The following SYT2 variants were observed in gnomAD, a reference collection of about 807,000 sequenced individuals.
SYT2 encodes the protein synaptotagmin-2.
A neutral mutation model predicts 39.9 loss-of-function variants in SYT2; 15 were observed. The observed-to-expected ratio is 0.38, with a 90% CI of 0.25 to 0.58. The LOEUF (loss-of-function observed/expected upper bound fraction) is 0.58. SYT2 is among the 20% of genes least tolerant of loss of function. The pLI, the probability that SYT2 is intolerant of heterozygous loss-of-function variation, is 0.70. For missense variants in SYT2, 389 were observed against 530.3 expected (o/e 0.73, Z 2.62); for synonymous variants, 181 against 204.5 (o/e 0.89, Z 0.98).
At chr1:202,625,905 C>A (rs532143558) in intron 1 of SYT2, among the ~76,000 whole-genome samples, 1 of 152,178 alleles carries the variant, frequency 6.6e-6, no homozygotes, top group Non-Finnish European at 1.5e-5. Context: ...GCAGCCAGTG[C>A]AAGAACATAG....
chr1:202,702,459 A>G (rs929665773), intron 1 of SYT2, among the ~76,000 whole-genome samples: 2 of 152,134 alleles, frequency 1.3e-5, no homozygotes, highest in African/African-American at 4.8e-5. Flanking sequence ...CCCACAGCCA[A>G]TTAACTCCAT....
rs560534349 is a variant in SYT2, at chr1:202,605,870, A to C, written c.-17-81T>G. ...AGAAAGCCCTGCCCAAAGGACCAGG[A>C]GAAGCTCTTTATAGATCAAAGATAT... On this transcript the variant is annotated intron_variant, in intron 1 of 8. Coordinates refer to ENST00000367268, the MANE Select transcript of SYT2 (RefSeq NM_177402.5). 2.9e-4 allele frequency: 284 copies of C among 980,810 alleles called. 2 individuals carry two copies. The Middle Eastern group carries it at 4.9e-3, about 17-fold the overall frequency. 60.8% of individuals were successfully genotyped at this position (980,810 alleles called of 1,614,324 possible). A position where few individuals can be genotyped will look rare whatever the true frequency, so the allele number is the denominator to read the frequency against.
At chr1:202,606,082 G>T (rs553041888) in intron 1 of SYT2, among the ~76,000 whole-genome samples, 76 of 152,024 alleles carry the variant, frequency 5.0e-4, no homozygotes, top group African/African-American at 1.7e-3. Context: ...TGAGCTATGG[G>T]TGATTAAGTA....
chr1:202,615,028 G>A (rs1478884846), intron 1 of SYT2, among the ~76,000 whole-genome samples: 1 of 152,192 alleles, frequency 6.6e-6, no homozygotes, highest in Admixed American at 6.5e-5. Flanking sequence ...CTAGGGTGGA[G>A]CATAACTCCA....
intron 8 of SYT2, among the ~76,000 whole-genome samples, chr1:202,597,364 G>A (rs568554763): frequency 2.2e-4 from 33 of 152,308 alleles, no homozygotes; most frequent in African/African-American, 7.2e-4. Context: ...GGAGGTGACA[G>A]TCCTGGGGCC....
At chr1:202,612,683 G>C (rs1231272146) in intron 1 of SYT2, among the ~76,000 whole-genome samples, 2 of 152,056 alleles carry the variant, frequency 1.3e-5, no homozygotes, top group African/African-American at 4.8e-5. Flanking sequence ...TCTTTAATCA[G>C]GATTGTTTTG....
At chr1:202,602,091 A>G (rs1690524197) in intron 5 of SYT2, 34 bp from the exon 6 acceptor site, 1 of 1,611,156 alleles carries the variant, frequency 6.2e-7, no homozygotes, top group South Asian at 1.1e-5. Flanking sequence ...AGGGGGCCAG[A>G]GCGACTCACG....
chr1:202,625,565 C>T (rs1691377046), intron 1 of SYT2, among the ~76,000 whole-genome samples: 1 of 151,936 alleles, frequency 6.6e-6, no homozygotes, highest in South Asian at 2.1e-4. Flanking sequence ...CCCCAGCCCA[C>T]TTCTTCCCTG....
At chr1:202,678,258 A>G (rs1383309927) in intron 1 of SYT2, among the ~76,000 whole-genome samples, 2 of 128,916 alleles carry the variant, frequency 1.6e-5, no homozygotes, top group African/African-American at 5.8e-5. Context: ...TGAGTGACAG[A>G]GCGAGACTCT....
At chr1:202,709,867 T>A (rs889149007) in intron 1 of SYT2, among the ~76,000 whole-genome samples, 1 of 151,998 alleles carries the variant, frequency 6.6e-6, no homozygotes, top group East Asian at 1.9e-4. Context: ...CCGCTAGGGC[T>A]GGCGGGGGCT....
intron 1 of SYT2, among the ~76,000 whole-genome samples, chr1:202,663,630 T>C (rs988492266): frequency 6.6e-6 from 1 of 152,240 alleles, no homozygotes; most frequent in African/African-American, 2.4e-5. Context: ...CCAATTTCAA[T>C]ATATAAGAAT....
At chr1:202,634,566 G>A (rs1430227057) in intron 1 of SYT2, among the ~76,000 whole-genome samples, 4 of 151,826 alleles carry the variant, frequency 2.6e-5, no homozygotes, top group Admixed American at 6.6e-5. Context: ...ATATCCTTAC[G>A]AAAACCCTTC....
At chr1:202,622,962 A>G (rs1024595879) in intron 1 of SYT2, among the ~76,000 whole-genome samples, 1 of 152,056 alleles carries the variant, frequency 6.6e-6, no homozygotes, top group Admixed American at 6.5e-5. Flanking sequence ...TCACACAAAC[A>G]ACACCGCTAA....
intron 1 of SYT2, among the ~76,000 whole-genome samples, chr1:202,675,617 C>T (rs980986365): frequency 3.3e-5 from 5 of 152,040 alleles, no homozygotes; most frequent in Non-Finnish European, 7.4e-5. Flanking sequence ...CACTAGAGGT[C>T]CTGGACACCG....
intron 5 of SYT2, 53 bp from the exon 6 acceptor site, chr1:202,602,110 G>A: frequency 1.3e-6 from 2 of 1,598,226 alleles, no homozygotes; most frequent in Non-Finnish European, 8.5e-7. Context: ...CGCACCTCCA[G>A]GGGTGCTATG....
chr1:202,645,051 AGGGTGTGTGCGTGTGTTCATGTGT>A (rs1692051078), intron 1 of SYT2, among the ~76,000 whole-genome samples: 1 of 152,148 alleles, frequency 6.6e-6, no homozygotes, highest in East Asian at 1.9e-4. Flanking sequence ...GGTGTTGGGA[AGGGTGTGTGCGTGTGTTCATGTGT>A]GGGCTGGGGG....
chr1:202,704,287 AGAG>A (rs1425526662), intron 1 of SYT2, among the ~76,000 whole-genome samples: 2 of 152,190 alleles, frequency 1.3e-5, no homozygotes, highest in East Asian at 1.9e-4. Flanking sequence ...GGGACCCAGG[AGAG>A]GAGGAGAAAC....
intron 1 of SYT2, among the ~76,000 whole-genome samples, chr1:202,697,611 C>G (rs953572402): frequency 6.6e-6 from 1 of 152,242 alleles, no homozygotes; most frequent in Admixed American, 6.5e-5. Flanking sequence ...GAGAAGAAAA[C>G]AGCCAGAGCC....
intron 1 of SYT2, among the ~76,000 whole-genome samples, chr1:202,659,485 G>C (rs1692340423): frequency 6.6e-6 from 1 of 152,184 alleles, no homozygotes; most frequent in African/African-American, 2.4e-5. Context: ...GCGGCAAAAA[G>C]AGATAGCTTA....
Sources: allele counts gnomAD v4.1 joint callset (sites outside exome capture counted in the v4.1 genomes callset), GRCh38; gene constraint gnomAD v4.1.1; transcripts MANE v1.5; gene names NCBI Gene and HGNC (gene_info 2026-07-23, HGNC 2026-07-21).